The following CADM2 variants were observed in gnomAD, a reference collection of about 807,000 sequenced individuals.
CADM2 encodes immunoglobulin superfamily member 4D.
CADM2 carries 12 observed loss-of-function variants against 49.8 expected under a neutral mutation model. That is an observed-to-expected ratio of 0.24 (90% CI 0.15 to 0.39). The LOEUF (loss-of-function observed/expected upper bound fraction) is 0.39, where lower values mean the gene tolerates loss of function less well. CADM2 is among the 10% of genes least tolerant of loss of function. The pLI, the probability that CADM2 is intolerant of heterozygous loss-of-function variation, is 1.00. For missense variants in CADM2, 378 were observed against 492.3 expected (o/e 0.77, Z 2.20); for synonymous variants, 214 against 175.4 (o/e 1.22, Z -1.74).
At chr3:85,331,493 TCTAAAAGTGACTATTGTCA>T (rs1010685642) in intron 1 of CADM2, among the ~76,000 whole-genome samples, 15 of 151,638 alleles carry the variant, frequency 9.9e-5, no homozygotes, top group East Asian at 2.0e-4. Flanking sequence ...CACATGAAAA[TCTAAAAGTGACTATTGTCA>T]CTAAAAGTGA....
intron 1 of CADM2, among the ~76,000 whole-genome samples, chr3:85,113,712 A>G (rs2038542927): frequency 1.3e-5 from 2 of 149,310 alleles, no homozygotes; most frequent in South Asian, 4.2e-4. Flanking sequence ...GCTATAGGCA[A>G]TCCTACTTAT....
At chr3:85,112,733 A>G (rs1197521250) in intron 1 of CADM2, among the ~76,000 whole-genome samples, 2 of 151,840 alleles carry the variant, frequency 1.3e-5, no homozygotes, top group South Asian at 2.1e-4. Flanking sequence ...ACTTCCTTAT[A>G]AAGTCTGTCT....
chr3:85,862,681 CT>C (rs1259642806), intron 3 of CADM2, among the ~76,000 whole-genome samples: 1 of 152,086 alleles, frequency 6.6e-6, no homozygotes, highest in Non-Finnish European at 1.5e-5. Flanking sequence ...AGCCAAACTA[CT>C]CTTACTAGAT....
chr3:85,759,923 CAAT>C (rs963399955), intron 2 of CADM2, among the ~76,000 whole-genome samples: 8 of 152,006 alleles, frequency 5.3e-5, no homozygotes, highest in Non-Finnish European at 1.2e-4. Flanking sequence ...TCTTCTATGA[CAAT>C]AAAAAACTTC....
At chr3:85,942,606 T>A (rs1722083968) in intron 7 of CADM2, among the ~76,000 whole-genome samples, 1 of 151,542 alleles carries the variant, frequency 6.6e-6, no homozygotes, top group Non-Finnish European at 1.5e-5. Flanking sequence ...GTTCTTGCGA[T>A]AGTTTACTGA....
intron 1 of CADM2, among the ~76,000 whole-genome samples, chr3:85,646,537 A>G (rs1235735536): frequency 1.3e-5 from 2 of 151,998 alleles, no homozygotes; most frequent in Admixed American, 6.6e-5. Context: ...TCATCACTGT[A>G]TCAACTGATT....
At chr3:85,451,245 A>C (rs1263022663) in intron 1 of CADM2, among the ~76,000 whole-genome samples, 1 of 152,140 alleles carries the variant, frequency 6.6e-6, no homozygotes, top group Non-Finnish European at 1.5e-5. Context: ...TTTCAGAAAG[A>C]ATGGGAATGA....
chr3:85,708,283 T>C (rs1175332598), intron 1 of CADM2, among the ~76,000 whole-genome samples: 1 of 152,194 alleles, frequency 6.6e-6, no homozygotes, highest in African/African-American at 2.4e-5. Flanking sequence ...TTTTTTTTAA[T>C]TTAATCTAGA....
At chr3:85,735,467 G>A (rs1247357225) in intron 2 of CADM2, among the ~76,000 whole-genome samples, 4 of 152,130 alleles carry the variant, frequency 2.6e-5, no homozygotes, top group Admixed American at 2.6e-4. Flanking sequence ...CACAGGTCAT[G>A]TAAGGATTTT....
chr3:85,166,087 A>G (rs1337202003), intron 1 of CADM2, among the ~76,000 whole-genome samples: 3 of 151,828 alleles, frequency 2.0e-5, no homozygotes, highest in East Asian at 3.8e-4. Flanking sequence ...GCTCAAGATC[A>G]TAATGACATT....
chr3:85,978,792 G>A (rs980091879), intron 8 of CADM2, among the ~76,000 whole-genome samples: 18 of 151,412 alleles, frequency 1.2e-4, no homozygotes, highest in Non-Finnish European at 2.4e-4. Flanking sequence ...ATTTCTGTAT[G>A]TGTCATTCTG....
intron 1 of CADM2, among the ~76,000 whole-genome samples, chr3:84,993,303 C>T (rs151187011): frequency 8.4e-4 from 128 of 152,098 alleles, no homozygotes; most frequent in African/African-American, 2.3e-3. Context: ...AGGGATTTAG[C>T]GTATTAACTG....
At chr3:85,872,739 T>A (rs986847170) in intron 3 of CADM2, among the ~76,000 whole-genome samples, 2 of 150,088 alleles carry the variant, frequency 1.3e-5, no homozygotes, top group Non-Finnish European at 3.0e-5. Context: ...TATATATAAT[T>A]TAGATACATT....
chr3:85,654,859 A>T (rs866246244), intron 1 of CADM2, among the ~76,000 whole-genome samples: 19 of 152,316 alleles, frequency 1.2e-4, no homozygotes, highest in Middle Eastern at 6.8e-3. Flanking sequence ...TGACCACAAT[A>T]CTTTAAACTT....
intron 1 of CADM2, among the ~76,000 whole-genome samples, chr3:85,216,281 A>G (rs2041922704): frequency 6.8e-6 from 1 of 147,492 alleles, no homozygotes; most frequent in African/African-American, 2.5e-5. Flanking sequence ...TCTATTAAAT[A>G]TATTTATATT....
At position 85,239,869 on chromosome 3, in the gene CADM2, G is replaced by A. The variant is rs560785591; in HGVS notation, c.61+280201G>A. Among the ~76,000 whole-genome samples, 53 of 151,418 alleles carry A rather than the reference G, an allele frequency of 3.5e-4. No individual in the cohort carries two copies. The South Asian group carries it at 6.2e-3, about 18-fold the overall frequency. On this transcript the variant is annotated intron_variant, in intron 1 of 9. Transcript: ENST00000383699. ...TTAATTGTATTCATGGAGTTTATCA[G>A]TGCACACTGAAATTTATGAGCTGGA...
Position 85,886,274 on chromosome 3 carries a change from G to A in CADM2, c.476G>A (p.Gly159Asp). The A allele has an allele frequency of 1.2e-6, 2 of 1,613,794 alleles. No homozygotes were observed. The highest frequency in any genetic ancestry group is 1.7e-6 in the Non-Finnish European group (2 of 1,179,870). The stretch of plus-strand genomic sequence containing the variant: ...ATGCAGCTGACTTGCAAAACATCTG[G>A]TAGTAAACCTGCAGCTGATATAAGA... ...DLMQLTCKTS[G>D]SKPAADIRWF... Residue 159 changes from glycine (G) to aspartate (D), a missense_variant, in exon 5 of 10, where the codon GGT becomes GAT. Physicochemically the swap from Gly to Asp is moderately conservative, Grantham distance 94 (BLOSUM62 -1). Transcript: ENST00000383699.
At chr3:85,285,342 G>A (rs565690889) in intron 1 of CADM2, among the ~76,000 whole-genome samples, 15 of 152,134 alleles carry the variant, frequency 9.9e-5, no homozygotes, top group African/African-American at 3.4e-4. Flanking sequence ...AATGAGTGTC[G>A]AGTATCGATA....
chr3:85,965,626 AAT>A (rs1725380826), intron 8 of CADM2, among the ~76,000 whole-genome samples: 1 of 151,598 alleles, frequency 6.6e-6, no homozygotes, highest in South Asian at 2.1e-4. Flanking sequence ...AAATCTCAAC[AAT>A]GTTAACACAT....
Sources: gnomAD v4.1 joint callset for allele counts (sites outside exome capture counted in the v4.1 genomes callset) on GRCh38, gnomAD v4.1.1 for gene constraint, MANE v1.5 for transcripts, NCBI Gene and HGNC (gene_info 2026-07-23, HGNC 2026-07-21) for gene names.